PCDHGA3: variants seen among roughly 807,000 people sequenced by gnomAD.
The protein encoded by PCDHGA3 is protocadherin gamma subfamily A, 3.
Under a neutral mutation model 58.5 loss-of-function variants are expected in PCDHGA3, and 40 were observed. That is an observed-to-expected ratio of 0.68 (90% CI 0.53 to 0.89). PCDHGA3 has a LOEUF of 0.89. PCDHGA3 is among the 40% of genes least tolerant of loss of function. The probability of loss-of-function intolerance (pLI) is 0.00; values close to 1 mark genes in which losing one functional copy is unlikely to be tolerated. For missense variants in PCDHGA3, 1,223 were observed against 1,195.9 expected, an observed-to-expected ratio of 1.02 and a Z score of -0.33; for synonymous variants, 530 against 525.7, an observed-to-expected ratio of 1.01 and a Z score of -0.11.
intron 1 of PCDHGA3, chr5:141,415,762 T>TGTTTG: frequency 7.1e-7 from 1 of 1,399,990 alleles, no homozygotes; most frequent in Non-Finnish European, 9.3e-7. Flanking sequence ...TTTTTTTTTT[T>TGTTTG]TTTTTTTTTT....
chr5:141,509,516 T>C (rs2099877144), intron 3 of PCDHGA3, among the ~76,000 whole-genome samples: 1 of 152,130 alleles, frequency 6.6e-6, no homozygotes, highest in Non-Finnish European at 1.5e-5. Context: ...GTGTTGATGA[T>C]GTATTGCACA....
intron 1 of PCDHGA3, chr5:141,378,978 T>C (rs999342982): frequency 3.3e-5 from 5 of 152,244 alleles, no homozygotes; most frequent in African/African-American, 1.2e-4. Flanking sequence ...TGATGACTTG[T>C]TGAACTACAT....
rs934816631 is a variant in PCDHGA3, at chr5:141,378,863, G to A, written c.2424+32406G>A. 6 of 152,136 alleles carry A rather than the reference G, an allele frequency of 3.9e-5. No individual in the cohort carries two copies. The East Asian group carries it at 7.7e-4, about 20-fold the overall frequency. The allele number at this position is 152,136 out of a possible 1,614,324, so 9.4% of individuals were successfully genotyped here. ...GAGTTTTTGACTGTCAATGATGTTC[G>A]AATAGAAAATGGATCACTAAGGAGA... On this transcript the variant is annotated intron_variant, in intron 1 of 3. Transcript: ENST00000253812.
intron 1 of PCDHGA3, chr5:141,356,250 A>T: frequency 3.2e-6 from 5 of 1,575,134 alleles, no homozygotes; most frequent in Non-Finnish European, 4.3e-6. Context: ...TCACAGTTAC[A>T]TCTCTCACCA....
Position 141,510,938 on chromosome 5 carries a change from T to A in PCDHGA3, c.2573-9T>A. 1 of 1,614,026 alleles carries A rather than the reference T, an allele frequency of 6.2e-7. No homozygotes were observed. Among genetic ancestry groups the A allele is most frequent in the Non-Finnish European group, 8.5e-7 (1 of 1,179,984 alleles). ...TTAGCTCCCACCTGATCTTCCTCTG[T>A]CTCTGCAGAAGCTGCTGATGGGAGC... On this transcript the variant is annotated splice_polypyrimidine_tract_variant and intron_variant, in intron 3 of 3. Coordinates refer to ENST00000253812, the MANE Select transcript of PCDHGA3 (RefSeq NM_018916.4).
intron 1 of PCDHGA3, chr5:141,352,435 C>T (rs986564447): frequency 1.3e-5 from 21 of 1,613,926 alleles, no homozygotes; most frequent in Non-Finnish European, 1.6e-5. Context: ...GCTTTCAAAC[C>T]GGTCTCTGCT....
chr5:141,468,899 T>C (rs1051519139), intron 1 of PCDHGA3, among the ~76,000 whole-genome samples: 2 of 151,550 alleles, frequency 1.3e-5, no homozygotes, highest in Non-Finnish European at 2.9e-5. Flanking sequence ...GGTACTAATA[T>C]GATCCAGACT....
At chr5:141,373,797 C>G (rs1369464661) in intron 1 of PCDHGA3, 1 of 311,662 alleles carries the variant, frequency 3.2e-6, no homozygotes, top group Non-Finnish European at 5.8e-6. Context: ...AAATAAAATC[C>G]TCTGTGTGAT....
At chr5:141,354,754 C>A (rs1399681540) in intron 1 of PCDHGA3, among the ~76,000 whole-genome samples, 2 of 152,014 alleles carry the variant, frequency 1.3e-5, no homozygotes, top group East Asian at 3.9e-4. Flanking sequence ...AGAGGAAGAA[C>A]ACATCTTAGG....
Position 141,489,065 on chromosome 5 carries a change from C to T in PCDHGA3, c.2425-5742C>T, listed in dbSNP as rs558074504. On this transcript the variant is annotated intron_variant, in intron 1 of 3. Coordinates refer to ENST00000253812, the MANE Select transcript of PCDHGA3 (RefSeq NM_018916.4). This position sits in a 1 kb window ranked among gnomAD's most constrained non-coding sequence, Gnocchi z 4.5. ...CCACTCAAATTCAGCTCCCCTCCCC[C>T]CTGCCCACCCCCGCCACTCGGTGAC... 3.3e-5 allele frequency: 13 copies of T among 388,932 alleles called. 1 individual carries two copies. Among genetic ancestry groups the T allele is most frequent in the African/African-American group, 8.5e-5 (4 of 47,158 alleles). 24.1% of individuals were successfully genotyped at this position (388,932 alleles called of 1,614,324 possible).
At position 141,375,341 on chromosome 5, in the gene PCDHGA3, A is replaced by C. The variant is rs1378038175; in HGVS notation, c.2424+28884A>C. ...CCGGGAAGAGGTATTCTTGTACAAC[A>C]TCACTGTGACAGCCACGGACAAAGG... On this transcript the variant is annotated intron_variant, in intron 1 of 3. Transcript: ENST00000253812. 4.3e-6 allele frequency: 7 copies of C among 1,613,856 alleles called. No individual in the cohort carries two copies. Among genetic ancestry groups the C allele is most frequent in the South Asian group, 2.2e-5 (2 of 91,080 alleles).
intron 1 of PCDHGA3, chr5:141,421,662 G>C: frequency 5.6e-6 from 9 of 1,613,844 alleles, no homozygotes; most frequent in Non-Finnish European, 7.6e-6. Context: ...AAGTCAGTGA[G>C]CACGCAATTC....
chr5:141,473,263 T>C (rs2099318134), intron 1 of PCDHGA3, among the ~76,000 whole-genome samples: 1 of 152,210 alleles, frequency 6.6e-6, no homozygotes, highest in African/African-American at 2.4e-5. Context: ...GTCCTTAGTG[T>C]ATGCTATGAT....
chr5:141,361,163 G>A (rs1176062621), intron 1 of PCDHGA3: 2 of 1,613,940 alleles, frequency 1.2e-6, no homozygotes, highest in Middle Eastern at 1.6e-4. Flanking sequence ...GACAACGATT[G>A]TGCACCTGAA....
Position 141,424,835 on chromosome 5 carries a change from T to C in PCDHGA3, c.2425-69972T>C, listed in dbSNP as rs999861185. Among the ~76,000 whole-genome samples, 20 of 152,310 alleles carry C rather than the reference T, an allele frequency of 1.3e-4. No individual in the cohort carries two copies. The South Asian group carries it at 3.5e-3, about 27-fold the overall frequency. On this transcript the variant is annotated intron_variant, in intron 1 of 3. Coordinates refer to ENST00000253812, the MANE Select transcript of PCDHGA3 (RefSeq NM_018916.4). ...AAGCTTGATAGTTGCCTGACATACA[T>C]GTTATCTGAAGCAATGTCTAGGAAA... is the stretch of plus-strand genomic sequence containing the variant.
chr5:141,400,232 C>T (rs2093984634), intron 1 of PCDHGA3: 1 of 1,614,032 alleles, frequency 6.2e-7, no homozygotes. Context: ...TTCCTCCTGG[C>T]CGTGATTCTG....
In PCDHGA3 at chr5:141,423,740, GA is replaced by G. The variant is rs778655137; in HGVS notation, c.2425-71063del. 7 of 698,952 alleles carry G rather than the reference GA, an allele frequency of 1.0e-5. No individual in the cohort carries two copies. The African/African-American group carries it at 1.9e-4, about 19-fold the overall frequency. The allele number at this position is 698,952 out of a possible 1,614,324, so 43.3% of individuals were successfully genotyped here. ...AGGAGATGTTTTTTGAGCCTGTTAT[GA>G]AAACTGTTTGGGGGGGGGGTGGGGC... On this transcript the variant is annotated intron_variant, in intron 1 of 3. Coordinates refer to ENST00000253812, the MANE Select transcript of PCDHGA3 (RefSeq NM_018916.4).
At chr5:141,453,319 G>T (rs2098762311) in intron 1 of PCDHGA3, among the ~76,000 whole-genome samples, 1 of 151,492 alleles carries the variant, frequency 6.6e-6, no homozygotes, top group Admixed American at 6.6e-5. Flanking sequence ...TTATTTTAGA[G>T]ATGGGGTCTC....
chr5:141,367,723 G>A (rs1211855605), intron 1 of PCDHGA3: 2 of 152,102 alleles, frequency 1.3e-5, no homozygotes, highest in Non-Finnish European at 2.9e-5. Flanking sequence ...GCTTCGTTCT[G>A]TGATGTAAAG....
Sources: gnomAD v4.1 joint callset for allele counts (sites outside exome capture counted in the v4.1 genomes callset) on GRCh38, gnomAD v4.1.1 for gene constraint, Gnocchi (gnomAD v3.1) non-coding constraint, MANE v1.5 for transcripts, NCBI Gene and HGNC (gene_info 2026-07-23, HGNC 2026-07-21) for gene names.